The following L3MBTL4 variants were observed in gnomAD, a reference collection of about 807,000 sequenced individuals.
L3MBTL4 encodes lethal(3)malignant brain tumor-like protein 4.
L3MBTL4 carries 70 observed loss-of-function variants against 84.5 expected under a neutral mutation model. The observed-to-expected ratio is 0.83, with a 90% CI of 0.68 to 1.01. The LOEUF is 1.01. Among genes scored for constraint, L3MBTL4 ranks in the 50% least tolerant of loss-of-function variants. The pLI, the probability that L3MBTL4 is intolerant of heterozygous loss-of-function variation, is 0.00. For missense variants in L3MBTL4, 715 were observed against 754.8 expected (o/e 0.95, Z 0.62); for synonymous variants, 274 against 259.8 (o/e 1.05, Z -0.52).
chr18:6,388,868 G>C (rs1242849133), intron 1 of L3MBTL4, among the ~76,000 whole-genome samples: 1 of 152,134 alleles, frequency 6.6e-6, no homozygotes, highest in Admixed American at 6.6e-5. Flanking sequence ...TGAAGTCCAG[G>C]TGTCAATAGT....
intron 16 of L3MBTL4, among the ~76,000 whole-genome samples, chr18:5,995,883 C>A (rs1244071085): frequency 3.9e-5 from 6 of 152,132 alleles, no homozygotes; most frequent in African/African-American, 1.2e-4. Flanking sequence ...TACTTAGCAA[C>A]GCTGTCTTTG....
chr18:6,165,697 G>GTACCACTA (rs1277715102), intron 13 of L3MBTL4, among the ~76,000 whole-genome samples: 1 of 152,140 alleles, frequency 6.6e-6, no homozygotes, highest in Non-Finnish European at 1.5e-5. Context: ...ACATGGAAAG[G>GTACCACTA]AACGACTGGT....
Position 5,972,897 on chromosome 18 carries a change from T to C in L3MBTL4, c.1445-3335A>G, listed in dbSNP as rs79742609. ...TAGAATAGAATAGAACAGAAGAGAA[T>C]AGAATAGAATAGAATAGAATAGAAT... On this transcript the variant is annotated intron_variant, in intron 16 of 18. Transcript: ENST00000317931. Among the ~76,000 whole-genome samples the C allele has an allele frequency of 1.3e-3, 8 of 6,006 alleles. 1 individual carries two copies. The highest frequency in any genetic ancestry group is 5.2e-3 in the African/African-American group (3 of 582). The allele number at this position is 6,006 out of a possible 152,430, so 3.9% of individuals were successfully genotyped here.
intron 16 of L3MBTL4, among the ~76,000 whole-genome samples, chr18:6,022,932 C>G (rs1483029118): frequency 6.6e-6 from 1 of 152,190 alleles, no homozygotes; most frequent in Non-Finnish European, 1.5e-5. Flanking sequence ...GGGTTTGACT[C>G]TTCCCACCCT....
chr18:6,402,286 G>A (rs941872669), intron 1 of L3MBTL4, among the ~76,000 whole-genome samples: 3 of 152,184 alleles, frequency 2.0e-5, no homozygotes, highest in African/African-American at 2.4e-5. Flanking sequence ...CAAAGACAAT[G>A]TAGAAATGAT....
At chr18:6,349,977 T>C (rs2053103503) in intron 1 of L3MBTL4, among the ~76,000 whole-genome samples, 1 of 152,210 alleles carries the variant, frequency 6.6e-6, no homozygotes, top group South Asian at 2.1e-4. Flanking sequence ...ATACATACAT[T>C]TGTGTATGTC....
rs532719368 is a variant in L3MBTL4, at chr18:6,160,780, T to TG, written c.1096+11047dup. On this transcript the variant is annotated intron_variant, in intron 13 of 18. Coordinates refer to ENST00000317931, the MANE Select transcript of L3MBTL4 (RefSeq NM_001330559.2). Reference sequence around the variant, plus strand: ...GGAGTTAATCAGAGCAGAAAGGAAATGGACATCCAAGTCTTCCTAACTCCA... The same window carrying TG: ...GGAGTTAATCAGAGCAGAAAGGAAATGGGACATCCAAGTCTTCCTAACTCCA... 1.6e-3 allele frequency among the ~76,000 whole-genome samples: 232 copies of TG among 142,836 alleles called. 1 individual carries two copies. Among genetic ancestry groups the TG allele is most frequent in the Middle Eastern group, 0.011 (3 of 268 alleles). 93.7% of individuals were successfully genotyped at this position (142,836 alleles called of 152,430 possible). A position where few individuals can be genotyped will look rare whatever the true frequency, so the allele number is the denominator to read the frequency against.
At position 6,065,768 on chromosome 18, in the gene L3MBTL4, A is replaced by ATGG. The variant is rs376300700; in HGVS notation, c.1444+15110_1444+15112dup. ...CTTTTTTTCTTGGTTAATCTTACTA[A>ATGG]TGGTCTATCAAATTTGTTTATCTTT... On this transcript the variant is annotated intron_variant, in intron 16 of 18. Coordinates refer to ENST00000317931, the MANE Select transcript of L3MBTL4 (RefSeq NM_001330559.2). Among the ~76,000 whole-genome samples, 862 of 151,966 alleles carry ATGG rather than the reference A, an allele frequency of 5.7e-3. 12 individuals are homozygous for ATGG. Among genetic ancestry groups the ATGG allele is most frequent in the African/African-American group, 0.02 (828 of 41,498 alleles).
intron 1 of L3MBTL4, among the ~76,000 whole-genome samples, chr18:6,331,828 A>G (rs1355296542): frequency 2.0e-5 from 3 of 152,120 alleles, no homozygotes; most frequent in Non-Finnish European, 4.4e-5. Context: ...TATATTGGAG[A>G]CAATCACCCA....
intron 16 of L3MBTL4, among the ~76,000 whole-genome samples, chr18:6,068,644 A>G (rs975687087): frequency 2.0e-5 from 3 of 151,972 alleles, no homozygotes; most frequent in Admixed American, 6.5e-5. Flanking sequence ...CTGGAAGGCC[A>G]TCTATATGTG....
chr18:6,078,439 C>CAAAAAAAAAAAAAAAAAAAA (rs769376748), intron 16 of L3MBTL4, among the ~76,000 whole-genome samples: 1 of 43,748 alleles, frequency 2.3e-5, no homozygotes. Flanking sequence ...AAAAAAAAAA[C>CAAAAAAAAAAAAAAAAAAAA]AAAAAAAAAA....
chr18:6,243,951 CAGTAA>C (rs2047553143), intron 6 of L3MBTL4, among the ~76,000 whole-genome samples: 2 of 152,048 alleles, frequency 1.3e-5, no homozygotes, highest in African/African-American at 4.8e-5. Flanking sequence ...TATAATCAAT[CAGTAA>C]AGTAAATAAA....
chr18:6,292,990 T>C (rs1313958392), intron 4 of L3MBTL4, among the ~76,000 whole-genome samples: 1 of 152,192 alleles, frequency 6.6e-6, no homozygotes, highest in Non-Finnish European at 1.5e-5. Flanking sequence ...ACTTTCCTCC[T>C]TCTTATGAAA....
intron 1 of L3MBTL4, among the ~76,000 whole-genome samples, chr18:6,376,158 C>T (rs8097601): frequency 0.5 from 76,174 of 151,886 alleles, 19,303 homozygotes; most frequent in East Asian, 0.6. Flanking sequence ...CTCCCACTGT[C>T]CCCAGAGGTG....
intron 16 of L3MBTL4, among the ~76,000 whole-genome samples, chr18:5,990,764 CAT>C (rs1491512949): frequency 1.1e-4 from 13 of 120,948 alleles, no homozygotes; most frequent in African/African-American, 5.8e-4. Context: ...TAGTAGGGTT[CAT>C]GTGGGTGTGT....
chr18:6,041,548 A>G (rs1047474526), intron 16 of L3MBTL4, among the ~76,000 whole-genome samples: 4 of 146,198 alleles, frequency 2.7e-5, no homozygotes, highest in African/African-American at 1.0e-4. Context: ...CAAAAATGGC[A>G]GTCGGGAAGA....
At chr18:6,027,291 T>C (rs2055555120) in intron 16 of L3MBTL4, among the ~76,000 whole-genome samples, 1 of 152,126 alleles carries the variant, frequency 6.6e-6, no homozygotes, top group Non-Finnish European at 1.5e-5. Context: ...CCATGTTTGG[T>C]TTTCTGTTCC....
chr18:6,318,102 G>A lies in L3MBTL4; in HGVS notation c.-90-6046C>T, dbSNP rs190934837. Among the ~76,000 whole-genome samples, 20 of 152,162 alleles carry A rather than the reference G, an allele frequency of 1.3e-4. No homozygotes were observed. In the East Asian group the frequency reaches 3.1e-3, roughly 24 times the overall value. On this transcript the variant is annotated intron_variant, in intron 1 of 18. Coordinates refer to ENST00000317931, the MANE Select transcript of L3MBTL4 (RefSeq NM_001330559.2). The stretch of plus-strand genomic sequence containing the variant: ...ACCAGCCCTACGAGAAAGGTTAAAA[G>A]GAGTTATAAATCTTCAAACAGAAGC...
chr18:5,989,151 G>A (rs1218683948), intron 16 of L3MBTL4, among the ~76,000 whole-genome samples: 2 of 152,136 alleles, frequency 1.3e-5, no homozygotes, highest in Non-Finnish European at 2.9e-5. Context: ...CAGGAATGTG[G>A]GCCCATGGCT....
Sources: gnomAD v4.1 joint callset for allele counts (sites outside exome capture counted in the v4.1 genomes callset) on GRCh38, gnomAD v4.1.1 for gene constraint, MANE v1.5 for transcripts, NCBI Gene and HGNC (gene_info 2026-07-23, HGNC 2026-07-21) for gene names.